Variants in ADAMTS17 observed in about 807,000 individuals in gnomAD.
ADAMTS17 encodes ADAM metallopeptidase with thrombospondin type 1 motif 17.
Under a neutral mutation model 141.5 loss-of-function variants are expected in ADAMTS17, and 113 were observed. The observed-to-expected ratio is 0.80, with a 90% CI of 0.69 to 0.93. The LOEUF is 0.93. Ranked by LOEUF, ADAMTS17 falls within the 40% of genes least tolerant of loss-of-function variation. The pLI is 0.00. For missense variants in ADAMTS17, 1,659 were observed against 1,517.9 expected, an observed-to-expected ratio of 1.09 and a Z score of -1.54; for synonymous variants, 768 against 630.6, an observed-to-expected ratio of 1.22 and a Z score of -3.27.
At chr15:100,171,811 G>A (rs377198259) in intron 8 of ADAMTS17, among the ~76,000 whole-genome samples, 11 of 152,202 alleles carry the variant, frequency 7.2e-5, no homozygotes, top group East Asian at 1.9e-4. Context: ...TGGAACCAAC[G>A]GACCCAACAA....
chr15:99,989,149 G>A (rs1212830015), intron 20 of ADAMTS17, among the ~76,000 whole-genome samples: 3 of 152,208 alleles, frequency 2.0e-5, no homozygotes, highest in African/African-American at 4.8e-5. Flanking sequence ...CTGCCGGGGG[G>A]TGTGGGCGAG....
At chr15:100,100,568 G>A (rs1403227650) in intron 14 of ADAMTS17, among the ~76,000 whole-genome samples, 1 of 152,104 alleles carries the variant, frequency 6.6e-6, no homozygotes, top group Non-Finnish European at 1.5e-5. Flanking sequence ...AAACCTCCAA[G>A]CCATTTCTGA....
intron 12 of ADAMTS17, among the ~76,000 whole-genome samples, chr15:100,131,009 A>T (rs146706846): frequency 0.011 from 1,648 of 152,322 alleles, 16 homozygotes; most frequent in Middle Eastern, 0.024. Flanking sequence ...AATGTGGCAC[A>T]TATACACCAT....
chr15:99,985,699 T>G (rs1567643611), intron 20 of ADAMTS17, among the ~76,000 whole-genome samples: 1 of 152,234 alleles, frequency 6.6e-6, no homozygotes, highest in South Asian at 2.1e-4. Flanking sequence ...CATTTTCTAG[T>G]TGTATGACTG....
intron 12 of ADAMTS17, among the ~76,000 whole-genome samples, chr15:100,123,048 A>G (rs572596929): frequency 1.4e-4 from 21 of 152,306 alleles, no homozygotes; most frequent in African/African-American, 4.6e-4. Flanking sequence ...ACCTGACAGA[A>G]GTTCTGGGGG....
chr15:99,974,704 T>C (rs2060285155), intron 21 of ADAMTS17, 142 bp from the exon 22 acceptor site: 2 of 1,135,362 alleles, frequency 1.8e-6, no homozygotes, highest in African/African-American at 3.1e-5. Context: ...GATTAGGCCA[T>C]GCCTCCTGCC....
Position 99,974,515 on chromosome 15 carries a change from G to T in ADAMTS17, c.3175C>A (p.Arg1059=), listed in dbSNP as rs201387097. The part of the protein sequence containing the change: ...CTRDQWTVYC[R]VIREKNLCQD... Reference sequence around the variant, plus strand: ...CAGAGGTTCTTTTCTCGGATGACCCGGCAATATACCGTCCACTGGTCTCGT... The same window carrying T: ...CAGAGGTTCTTTTCTCGGATGACCCTGCAATATACCGTCCACTGGTCTCGT... The change falls in exon 22 of 22, where the codon CGG becomes AGG. Residue 1059 remains arginine (R), a synonymous_variant. Coordinates refer to ENST00000268070, the MANE Select transcript of ADAMTS17 (RefSeq NM_139057.4). 5 of 1,614,124 alleles carry T rather than the reference G, an allele frequency of 3.1e-6. No homozygotes were observed. Among genetic ancestry groups the T allele is most frequent in the African/African-American group, 2.7e-5 (2 of 74,938 alleles).
chr15:99,991,216 G>A (rs28654858), intron 20 of ADAMTS17, among the ~76,000 whole-genome samples: 1 of 152,008 alleles, frequency 6.6e-6, no homozygotes, highest in African/African-American at 2.4e-5. Context: ...AAAGAAACTA[G>A]CATCAGAGTG....
intron 7 of ADAMTS17, among the ~76,000 whole-genome samples, chr15:100,217,645 G>C (rs1368231734): frequency 2.0e-5 from 3 of 152,116 alleles, no homozygotes; most frequent in Admixed American, 6.5e-5. Context: ...CCTGGGTTAG[G>C]CAATGATTTC....
chr15:100,121,736 C>T, intron 12 of ADAMTS17, among the ~76,000 whole-genome samples: 1 of 151,782 alleles, frequency 6.6e-6, no homozygotes, highest in East Asian at 1.9e-4. Flanking sequence ...CTAGATGTAA[C>T]CTGAATGCAG....
At chr15:100,018,529 C>T (rs1174313692) in intron 18 of ADAMTS17, among the ~76,000 whole-genome samples, 1 of 152,102 alleles carries the variant, frequency 6.6e-6, no homozygotes, top group Non-Finnish European at 1.5e-5. Flanking sequence ...GAAGTGTGAA[C>T]CACCTCCCAC....
intron 15 of ADAMTS17, among the ~76,000 whole-genome samples, chr15:100,057,517 G>A (rs1208900423): frequency 2.0e-5 from 3 of 152,174 alleles, no homozygotes; most frequent in African/African-American, 7.2e-5. Context: ...AACACGGGCT[G>A]CCCTGAGCTG....
rs146234982 is a variant in ADAMTS17 at position 100,215,363 on chromosome 15, C to T, written c.1076-15940G>A. 4.0e-3 allele frequency among the ~76,000 whole-genome samples: 612 copies of T among 152,246 alleles called. 4 individuals carry two copies. The highest frequency in any genetic ancestry group is 0.013 in the African/African-American group (547 of 41,558). Reference sequence around the variant, plus strand: ...AACATCTACCAGATGGATTAGGGCCCGAATGTCTGGCGTTCTTCTGATAGC... The same window carrying T: ...AACATCTACCAGATGGATTAGGGCCTGAATGTCTGGCGTTCTTCTGATAGC... On this transcript the variant is annotated intron_variant, in intron 7 of 21. Transcript: ENST00000268070.
At chr15:100,029,647 C>T (rs994031742) in intron 18 of ADAMTS17, among the ~76,000 whole-genome samples, 1 of 152,088 alleles carries the variant, frequency 6.6e-6, no homozygotes, top group Non-Finnish European at 1.5e-5. Flanking sequence ...GGCTCTGGGC[C>T]CTGAAGTCTT....
At chr15:100,079,977 G>A (rs2034625408) in intron 15 of ADAMTS17, among the ~76,000 whole-genome samples, 2 of 152,188 alleles carry the variant, frequency 1.3e-5, no homozygotes, top group African/African-American at 4.8e-5. Flanking sequence ...CCAACTAGGT[G>A]ACAACACTTT....
At chr15:100,103,981 G>A (rs1434666125) in intron 14 of ADAMTS17, among the ~76,000 whole-genome samples, 1 of 152,186 alleles carries the variant, frequency 6.6e-6, no homozygotes, top group African/African-American at 2.4e-5. Context: ...GGCCCTGAAG[G>A]TGTTTTGGCT....
intron 7 of ADAMTS17, among the ~76,000 whole-genome samples, chr15:100,238,459 T>C (rs1447717545): frequency 3.3e-5 from 5 of 152,188 alleles, no homozygotes; most frequent in Non-Finnish European, 5.9e-5. Context: ...AGGCACTCAA[T>C]AGAGTTTTAC....
intron 15 of ADAMTS17, among the ~76,000 whole-genome samples, chr15:100,060,983 C>G (rs569089342): frequency 6.6e-4 from 101 of 152,312 alleles, no homozygotes; most frequent in African/African-American, 2.3e-3. Flanking sequence ...AATCCATCAG[C>G]CAGGCCCTGG....
At chr15:100,263,711 G>C (rs1394486110) in intron 4 of ADAMTS17, among the ~76,000 whole-genome samples, 3 of 152,214 alleles carry the variant, frequency 2.0e-5, no homozygotes, top group Admixed American at 2.0e-4. Context: ...AAAGGTAGTG[G>C]CAGATGGAAG....
Sources: allele counts gnomAD v4.1 joint callset (sites outside exome capture counted in the v4.1 genomes callset), GRCh38; gene constraint gnomAD v4.1.1; transcripts MANE v1.5; gene names NCBI Gene and HGNC (gene_info 2026-07-23, HGNC 2026-07-21).